The following SPTAN1 variants were observed in gnomAD, a reference collection of about 807,000 sequenced individuals.
The protein encoded by SPTAN1 is spectrin alpha, non-erythrocytic 1, also known as spectrin alpha chain, non-erythrocytic 1.
Under a neutral mutation model 331.3 loss-of-function variants are expected in SPTAN1, and 61 were observed. That is an observed-to-expected ratio of 0.18 (90% CI 0.15 to 0.23). SPTAN1 has a LOEUF of 0.23. Among genes scored for constraint, SPTAN1 ranks in the 10% least tolerant of loss-of-function variants. The pLI is 1.00. For missense variants in SPTAN1, 2,043 were observed against 3,147.9 expected (o/e 0.65, Z 8.40); for synonymous variants, 1,153 against 1,173.9 (o/e 0.98, Z 0.36).
At chr9:128,590,806 G>A (rs921563323) in intron 21 of SPTAN1, among the ~76,000 whole-genome samples, 4 of 151,984 alleles carry the variant, frequency 2.6e-5, no homozygotes, top group Admixed American at 2.0e-4. Flanking sequence ...AGCCAAGATC[G>A]TGCCACTGCA....
chr9:128,553,731 A>G (rs886728787), intron 1 of SPTAN1, among the ~76,000 whole-genome samples: 2 of 152,232 alleles, frequency 1.3e-5, no homozygotes, highest in African/African-American at 4.8e-5. Flanking sequence ...TTTATATAAT[A>G]GATCCTAAAA....
chr9:128,575,208 GTTAC>G lies in SPTAN1; in HGVS notation c.517_520del (p.Thr173LeufsTer11). On this transcript the variant is annotated frameshift_variant, in exon 5 of 57. Transcript: ENST00000372739. LOFTEE classifies it high-confidence loss of function. ...TATGGTCCCTGAATAGGAAGCAATT[GTTAC>G]TTCTGAAGAGCTGGGCCAGGATCTG... is the stretch of plus-strand genomic sequence containing the variant. 1 of 1,614,130 alleles carries G rather than the reference GTTAC, an allele frequency of 6.2e-7. No homozygotes were observed. The highest frequency in any genetic ancestry group is 8.5e-7 in the Non-Finnish European group (1 of 1,180,026).
Position 128,585,942 on chromosome 9 carries a change from G to A in SPTAN1, c.2755G>A (p.Gly919Ser). Residue 919 changes from glycine (G) to serine (S), a missense_variant, in exon 19 of 57, where the codon GGC (glycine) becomes AGC (serine). Transcript: ENST00000372739. Reference sequence around the variant, plus strand: ...ACCCATTGTGGGCAGCACTGACTATGGCAAGGACGAAGACTCTGCTGAGGT... The same window carrying A: ...ACCCATTGTGGGCAGCACTGACTATAGCAAGGACGAAGACTCTGCTGAGGT... ...KEPIVGSTDY[G>S]KDEDSAEALL... 1 of 1,612,824 alleles carries A rather than the reference G, an allele frequency of 6.2e-7. No homozygotes were observed. Among genetic ancestry groups the A allele is most frequent in the Non-Finnish European group, 8.5e-7 (1 of 1,180,016 alleles).
chr9:128,625,838 C>G lies in SPTAN1; in HGVS notation c.6139C>G (p.Gln2047Glu). 1 of 1,614,210 alleles carries G rather than the reference C, an allele frequency of 6.2e-7. No homozygotes were observed. Among genetic ancestry groups the G allele is most frequent in the Non-Finnish European group, 8.5e-7 (1 of 1,180,044 alleles). Residue 2047 changes from glutamine (Q) to glutamate (E), a missense_variant, in exon 48 of 57, where the codon CAG (glutamine) becomes GAG (glutamate). Gln to Glu is a conservative substitution (Grantham distance 29). This residue lies in a region of SPTAN1 where 256 missense variants were observed against 376.4 expected (regional missense o/e 0.68). Coordinates refer to ENST00000372739, the MANE Select transcript of SPTAN1 (RefSeq NM_001130438.3). The surrounding 1 kb of genome is among the most constrained non-coding windows in gnomAD (Gnocchi z 4.1). ...GIANITALKD[Q>E]LLAAKHVQSK... ...TGCCAACATCACTGCCCTCAAAGAT[C>G]AGCTTCTCGCCGCCAAACACGTTCA...
chr9:128,588,983 G>A (rs754198819), intron 21 of SPTAN1, 40 bp downstream of exon 21: 1 of 1,610,394 alleles, frequency 6.2e-7, no homozygotes, highest in Non-Finnish European at 8.5e-7. Context: ...TTCCACGCTG[G>A]CACCTCCACG....
chr9:128,591,577 T>C lies in SPTAN1; in HGVS notation c.3107T>C (p.Leu1036Pro). The change falls in exon 22 of 57, where the codon CTG (leucine) becomes CCG (proline). Residue 1036 changes from leucine to proline, a missense_variant. Coordinates refer to ENST00000372739, the MANE Select transcript of SPTAN1 (RefSeq NM_001130438.3). The stretch of plus-strand genomic sequence containing the variant: ...CAGTCAGCCTCCCGGGAGAATCTCC[T>C]GGAGGAGCAAGGCAGCATAGCACTG... ...PAQSASRENL[L>P]EEQGSIALRQ... 1 of 1,614,162 alleles carries C rather than the reference T, an allele frequency of 6.2e-7. No individual in the cohort carries two copies. The highest frequency in any genetic ancestry group is 8.5e-7 in the Non-Finnish European group (1 of 1,180,026).
At chr9:128,585,996 C>T (rs1852560682) in intron 19 of SPTAN1, 31 bp downstream of exon 19, 1 of 1,602,770 alleles carries the variant, frequency 6.2e-7, no homozygotes, top group South Asian at 1.1e-5. Flanking sequence ...TCTCACCTGC[C>T]AGGGAAGTGG....
In SPTAN1 at chr9:128,582,814, G is replaced by A; in HGVS notation, c.1771G>A (p.Glu591Lys). ...TGATGAGCTCAAGAGTTGGGTCAAT[G>A]AGAAGATGAAAACTGCCACAGATGA... Reference protein sequence around the residue: ...DSDELKSWVNEKMKTATDEAY... With the variant: ...DSDELKSWVNKKMKTATDEAY... Residue 591 changes from glutamate to lysine, a missense_variant, in exon 14 of 57, where the codon GAG becomes AAG. Glu to Lys is a moderately conservative substitution (Grantham distance 56). Transcript: ENST00000372739. The A allele has an allele frequency of 6.2e-7, 1 of 1,613,692 alleles. No homozygotes were observed. Among genetic ancestry groups the A allele is most frequent in the Non-Finnish European group, 8.5e-7 (1 of 1,180,040 alleles).
At chr9:128,564,361 A>G (rs550419366) in intron 1 of SPTAN1, among the ~76,000 whole-genome samples, 35 of 151,644 alleles carry the variant, frequency 2.3e-4, no homozygotes, top group South Asian at 6.3e-4. Context: ...AGAGGTTTCA[A>G]TGAGCCAAGA....
chr9:128,580,339 T>G (rs1033210152), intron 10 of SPTAN1, among the ~76,000 whole-genome samples: 4 of 150,984 alleles, frequency 2.6e-5, no homozygotes, highest in Non-Finnish European at 5.9e-5. Context: ...TTTATTTTAC[T>G]TTTTTTATAT....
intron 27 of SPTAN1, among the ~76,000 whole-genome samples, chr9:128,602,929 C>G (rs1319929616): frequency 2.6e-5 from 4 of 152,196 alleles, no homozygotes; most frequent in Admixed American, 1.3e-4. Context: ...AGCCAGCATG[C>G]CTAGCCCTAA....
chr9:128,612,587 A>G (rs1337446614), intron 39 of SPTAN1, among the ~76,000 whole-genome samples: 1 of 152,212 alleles, frequency 6.6e-6, no homozygotes, highest in Non-Finnish European at 1.5e-5. Flanking sequence ...AGAGTCAGTC[A>G]TGTATTCTCC....
Position 128,613,377 on chromosome 9 carries a change from C to A in SPTAN1, c.5044-4C>A. ...GCCTTTGCTTTTTGTGTTTTCATTG[C>A]CAGGTGGAGGCCCTGCTGGCATCCG... On this transcript the variant is annotated splice_region_variant and splice_polypyrimidine_tract_variant and intron_variant, in intron 39 of 56. Transcript: ENST00000372739. 6.2e-7 allele frequency: 1 copy of A among 1,613,474 alleles called. No homozygotes were observed.
At chr9:128,591,717 C>G in intron 22 of SPTAN1, 92 bp downstream of exon 22, 1 of 1,531,778 alleles carries the variant, frequency 6.5e-7, no homozygotes. Context: ...CCTGAGGCTC[C>G]TGGAGCCCAC....
intron 27 of SPTAN1, among the ~76,000 whole-genome samples, chr9:128,603,171 A>G (rs938043863): frequency 6.6e-6 from 1 of 151,830 alleles, no homozygotes; most frequent in Non-Finnish European, 1.5e-5. Context: ...AGCTGCCAGC[A>G]TTTGTTAAAT....
intron 12 of SPTAN1, 81 bp from the exon 13 acceptor site, chr9:128,582,398 T>C: frequency 8.3e-7 from 1 of 1,199,336 alleles, no homozygotes; most frequent in Non-Finnish European, 1.2e-6. Flanking sequence ...TTTTATGATC[T>C]GTTCAGCAGT....
intron 41 of SPTAN1, among the ~76,000 whole-genome samples, chr9:128,616,750 G>A (rs948734587): frequency 4.0e-5 from 6 of 151,726 alleles, no homozygotes; most frequent in East Asian, 2.0e-4. Context: ...GCAAGACTCC[G>A]TCTCAAAAAA....
At chr9:128,615,184 C>G (rs540705561) in intron 40 of SPTAN1, among the ~76,000 whole-genome samples, 97 of 152,290 alleles carry the variant, frequency 6.4e-4, no homozygotes, top group Non-Finnish European at 1.1e-3. Flanking sequence ...GACCGAGTAT[C>G]TGTGAGATAC....
intron 21 of SPTAN1, among the ~76,000 whole-genome samples, chr9:128,591,100 C>T (rs972133604): frequency 1.8e-4 from 28 of 151,644 alleles, no homozygotes; most frequent in African/African-American, 3.1e-4. Context: ...CTCGCTCTGA[C>T]GCCCAGGCTG....
Sources: allele counts gnomAD v4.1 joint callset (sites outside exome capture counted in the v4.1 genomes callset), GRCh38; gene constraint gnomAD v4.1.1; regional missense constraint gnomAD v4.1.1; non-coding constraint Gnocchi (gnomAD v3.1); transcripts MANE v1.5; gene names NCBI Gene and HGNC (gene_info 2026-07-23, HGNC 2026-07-21).